Variants in GPC5 observed in about 807,000 individuals in gnomAD.
The protein encoded by GPC5 is glypican-5.
A neutral mutation model predicts 53.9 loss-of-function variants in GPC5; 47 were observed. The ratio of observed to expected loss-of-function variants is 0.87; its 90% CI spans 0.69 to 1.11. The LOEUF (loss-of-function observed/expected upper bound fraction) is 1.11. Among genes scored for constraint, GPC5 ranks in the 50% most tolerant of loss-of-function variants. GPC5 has a pLI of 0.00. For synonymous variants in GPC5, 286 were observed against 263.3 expected, an observed-to-expected ratio of 1.09 and a Z score of -0.84; for missense variants, 748 against 713.1, an observed-to-expected ratio of 1.05 and a Z score of -0.56.
At chr13:91,702,770 G>A (rs921157443) in intron 3 of GPC5, among the ~76,000 whole-genome samples, 1 of 151,920 alleles carries the variant, frequency 6.6e-6, no homozygotes, top group Non-Finnish European at 1.5e-5. Context: ...ATTCAAGAAC[G>A]TGGACATCAT....
chr13:92,372,662 A>C (rs1377977687), intron 7 of GPC5, among the ~76,000 whole-genome samples: 1 of 152,148 alleles, frequency 6.6e-6, no homozygotes, highest in Non-Finnish European at 1.5e-5. Context: ...CACAACCTTG[A>C]CCTTGATATA....
intron 7 of GPC5, among the ~76,000 whole-genome samples, chr13:92,787,466 T>A (rs1351720339): frequency 6.6e-6 from 1 of 151,716 alleles, no homozygotes; most frequent in African/African-American, 2.4e-5. Context: ...ATGATTAAAC[T>A]TACTTCGTTT....
intron 7 of GPC5, among the ~76,000 whole-genome samples, chr13:92,533,033 T>C (rs1881615654): frequency 6.6e-6 from 1 of 152,198 alleles, no homozygotes; most frequent in Non-Finnish European, 1.5e-5. Flanking sequence ...ATAATTATTA[T>C]TGCTTTATGG....
In GPC5 at chr13:91,693,518, G is replaced by A. The variant is rs2035807333; in HGVS notation, c.657G>A (p.Leu219=). 6.2e-7 allele frequency: 1 copy of A among 1,614,088 alleles called. No individual in the cohort carries two copies. Among genetic ancestry groups the A allele is most frequent in the Middle Eastern group, 1.6e-4 (1 of 6,062 alleles). The change falls in exon 3 of 8, where the codon CTG becomes CTA. Residue 219 remains leucine (L), a synonymous_variant. Coordinates refer to ENST00000377067, the MANE Select transcript of GPC5 (RefSeq NM_004466.6). ...TAATGGGACAGATGGGGAGGTCCCT[G>A]CTGCCCAGCCGCACTTTTCTGCAGG... ...QRVMGQMGRS[L]LPSRTFLQAL... is the part of the protein sequence containing the mutation.
chr13:91,477,191 A>G (rs1323433123), intron 2 of GPC5, among the ~76,000 whole-genome samples: 5 of 152,298 alleles, frequency 3.3e-5, no homozygotes, highest in South Asian at 4.1e-4. Flanking sequence ...TATGTAATAC[A>G]TTTCATAATA....
At chr13:91,919,413 G>A (rs1566341811) in intron 6 of GPC5, among the ~76,000 whole-genome samples, 1 of 152,146 alleles carries the variant, frequency 6.6e-6, no homozygotes, top group Non-Finnish European at 1.5e-5. Flanking sequence ...ATCATTTGCA[G>A]CAGAATCCAA....
At chr13:91,678,147 C>T (rs904994655) in intron 2 of GPC5, among the ~76,000 whole-genome samples, 20 of 152,166 alleles carry the variant, frequency 1.3e-4, no homozygotes, top group Non-Finnish European at 2.6e-4. Context: ...CTGTCTGTAA[C>T]TTCGGAGTGA....
intron 7 of GPC5, among the ~76,000 whole-genome samples, chr13:92,639,840 C>T (rs1297758747): frequency 1.3e-5 from 2 of 152,098 alleles, no homozygotes; most frequent in African/African-American, 4.8e-5. Flanking sequence ...TGAAGGTTAG[C>T]ATTTGAACAG....
At chr13:92,751,760 T>TAAAAAA (rs1889409617) in intron 7 of GPC5, among the ~76,000 whole-genome samples, 1 of 151,876 alleles carries the variant, frequency 6.6e-6, no homozygotes, top group Non-Finnish European at 1.5e-5. Flanking sequence ...AAATAAAAAA[T>TAAAAAA]AAAAACACTT....
At chr13:92,645,789 CA>C (rs533490188) in intron 7 of GPC5, among the ~76,000 whole-genome samples, 300 of 152,014 alleles carry the variant, frequency 2.0e-3, no homozygotes, top group African/African-American at 7.0e-3. Context: ...TAATTTTGAT[CA>C]TTTTTTTATT....
chr13:91,764,193 A>T (rs2037475263), intron 5 of GPC5, among the ~76,000 whole-genome samples: 1 of 152,172 alleles, frequency 6.6e-6, no homozygotes, highest in Non-Finnish European at 1.5e-5. Context: ...CCAAGTCCTG[A>T]CATTCCTAAC....
chr13:91,868,385 G>T (rs375610190), intron 5 of GPC5, among the ~76,000 whole-genome samples: 5 of 152,126 alleles, frequency 3.3e-5, no homozygotes, highest in African/African-American at 1.2e-4. Flanking sequence ...AACCTAATCA[G>T]GGGAACTGAA....
At chr13:91,810,163 T>C (rs1445944720) in intron 5 of GPC5, among the ~76,000 whole-genome samples, 1 of 151,984 alleles carries the variant, frequency 6.6e-6, no homozygotes, top group Non-Finnish European at 1.5e-5. Context: ...ATCAGAATAC[T>C]AAAACTGGAG....
At chr13:91,475,965 T>C (rs915250624) in intron 2 of GPC5, among the ~76,000 whole-genome samples, 46 of 152,312 alleles carry the variant, frequency 3.0e-4, no homozygotes, top group Non-Finnish European at 5.9e-5. Flanking sequence ...TCAAATCTTG[T>C]AAGAGGCTGG....
In GPC5 at chr13:92,155,463, C is replaced by A. The variant is rs76874641; in HGVS notation, c.1561+10474C>A. 8.4e-3 allele frequency among the ~76,000 whole-genome samples: 1,282 copies of A among 152,118 alleles called. 30 individuals are homozygous for A. Among genetic ancestry groups the A allele is most frequent in the African/African-American group, 0.029 (1,222 of 41,506 alleles). ...GTTGGTATTCCAGTTGCATAGTGTA[C>A]TTTTTCAATATGTAATTTTAAATAT... On this transcript the variant is annotated intron_variant, in intron 7 of 7. Coordinates refer to ENST00000377067, the MANE Select transcript of GPC5 (RefSeq NM_004466.6).
chr13:91,568,758 C>CT lies in GPC5; in HGVS notation c.325+119850dup, dbSNP rs745597285. On this transcript the variant is annotated intron_variant, in intron 2 of 7. Coordinates refer to ENST00000377067, the MANE Select transcript of GPC5 (RefSeq NM_004466.6). ...ATATGTTATTTCTTTTTCTTTCTTTCTTTTTTTTTTTTTTCAGAAGGAGTC... is the reference window on the plus strand; with the variant it reads ...ATATGTTATTTCTTTTTCTTTCTTTCTTTTTTTTTTTTTTTCAGAAGGAGTC... 6.8e-3 allele frequency among the ~76,000 whole-genome samples: 941 copies of CT among 138,702 alleles called. 1 individual carries two copies. The highest frequency in any genetic ancestry group is 0.016 in the Middle Eastern group (4 of 256). The allele number at this position is 138,702 out of a possible 152,430, so 91.0% of individuals were successfully genotyped here.
At chr13:92,075,891 G>A (rs951205831) in intron 6 of GPC5, among the ~76,000 whole-genome samples, 17 of 152,114 alleles carry the variant, frequency 1.1e-4, no homozygotes, top group African/African-American at 3.4e-4. Flanking sequence ...TAAATTCTAG[G>A]CTATCTGAAG....
chr13:91,440,648 A>G (rs1880353728), intron 1 of GPC5, among the ~76,000 whole-genome samples: 1 of 152,100 alleles, frequency 6.6e-6, no homozygotes, highest in Non-Finnish European at 1.5e-5. Context: ...ATGTTCAGTA[A>G]TTTTAGATTG....
At chr13:92,091,342 T>C (rs2041378739) in intron 6 of GPC5, among the ~76,000 whole-genome samples, 1 of 152,190 alleles carries the variant, frequency 6.6e-6, no homozygotes, top group Non-Finnish European at 1.5e-5. Context: ...TAATATTTCT[T>C]TTAAAAGTTC....
Sources: gnomAD v4.1 joint callset for allele counts (sites outside exome capture counted in the v4.1 genomes callset) on GRCh38, gnomAD v4.1.1 for gene constraint, MANE v1.5 for transcripts, NCBI Gene and HGNC (gene_info 2026-07-23, HGNC 2026-07-21) for gene names.